JAM3: variants seen among roughly 807,000 people sequenced by gnomAD.
The protein encoded by JAM3 is junctional adhesion molecule 3.
JAM3 carries 31 observed loss-of-function variants against 39.4 expected under a neutral mutation model. The ratio of observed to expected loss-of-function variants is 0.79; its 90% CI spans 0.59 to 1.06. The LOEUF is 1.06. JAM3 is among the 50% of genes least tolerant of loss of function. JAM3 has a pLI of 0.00. For missense variants in JAM3, 455 were observed against 391.4 expected, an observed-to-expected ratio of 1.16 and a Z score of -1.37; for synonymous variants, 182 against 148.7, an observed-to-expected ratio of 1.22 and a Z score of -1.63.
intron 1 of JAM3, among the ~76,000 whole-genome samples, chr11:134,113,944 T>C (rs537490041): frequency 1.3e-5 from 2 of 152,242 alleles, no homozygotes; most frequent in Non-Finnish European, 2.9e-5. Flanking sequence ...TGATGGCCAG[T>C]GATGATGAGC....
At chr11:134,108,833 G>A (rs935397660) in intron 1 of JAM3, among the ~76,000 whole-genome samples, 14 of 152,146 alleles carry the variant, frequency 9.2e-5, no homozygotes, top group Non-Finnish European at 1.9e-4. Context: ...TAAACCAAAA[G>A]CTGGTTCAAT....
At chr11:134,127,837 A>G (rs1942680203) in intron 1 of JAM3, among the ~76,000 whole-genome samples, 1 of 152,216 alleles carries the variant, frequency 6.6e-6, no homozygotes, top group Admixed American at 6.5e-5. Flanking sequence ...GAAGAGAGGA[A>G]ACAGAAGAGA....
Position 134,139,994 on chromosome 11 carries a change from ATC to A in JAM3, c.142+80_142+81del. The A allele has an allele frequency of 9.8e-6, 11 of 1,127,708 alleles. No individual in the cohort carries two copies. In the South Asian group the frequency reaches 1.2e-4, roughly 13 times the overall value. 69.9% of individuals were successfully genotyped at this position (1,127,708 alleles called of 1,614,324 possible). ...ATGTCTTGCAGCCAACTCAGGACAC[ATC>A]TGTCTCTGTAAGTGTGCCAGGGAGA... On this transcript the variant is annotated intron_variant, in intron 2 of 8. Transcript: ENST00000299106.
chr11:134,075,133 G>T (rs1028814387), intron 1 of JAM3, among the ~76,000 whole-genome samples: 1 of 152,034 alleles, frequency 6.6e-6, no homozygotes, highest in African/African-American at 2.4e-5. Context: ...GGCAAAGCAG[G>T]AGAACTTAAG....
chr11:134,070,230 A>T, intron 1 of JAM3: 1 of 456,106 alleles, frequency 2.2e-6, no homozygotes, highest in Non-Finnish European at 4.4e-6. Context: ...TCAACTTCAT[A>T]TTTACCTAAA....
intron 4 of JAM3, 117 bp from the exon 5 acceptor site, chr11:134,144,675 A>G (rs949562990): frequency 2.1e-6 from 2 of 953,830 alleles, no homozygotes; most frequent in African/African-American, 3.2e-5. Context: ...TGGGAACAGC[A>G]GTGGCGTGGG....
intron 1 of JAM3, among the ~76,000 whole-genome samples, chr11:134,111,133 CTTTTTTTTTT>C (rs71038561): frequency 0.23 from 19,684 of 86,162 alleles, 1,542 homozygotes; most frequent in East Asian, 0.38. Flanking sequence ...ACACATCCAT[CTTTTTTTTTT>C]TTTTTTTTTT....
At chr11:134,134,398 C>CAAAAAAAAAAAAAAAAAAAAAAAAAAA (rs34729848) in intron 1 of JAM3, among the ~76,000 whole-genome samples, 6 of 31,924 alleles carry the variant, frequency 1.9e-4, no homozygotes, top group South Asian at 1.6e-3. Context: ...GGATAAATGC[C>CAAAAAAAAAAAAAAAAAAAAAAAAAAA]AAAAAAAAAA....
At chr11:134,099,977 A>C (rs922868763) in intron 1 of JAM3, among the ~76,000 whole-genome samples, 5 of 152,152 alleles carry the variant, frequency 3.3e-5, no homozygotes, top group Non-Finnish European at 7.3e-5. Flanking sequence ...TGTCACCCAA[A>C]ATATACTTTT....
intron 1 of JAM3, among the ~76,000 whole-genome samples, chr11:134,139,385 C>A (rs979114521): frequency 6.6e-6 from 1 of 152,194 alleles, no homozygotes; most frequent in African/African-American, 2.4e-5. Context: ...TAACCATACC[C>A]AGAGAGTGTT....
chr11:134,073,814 C>G (rs1411228699), intron 1 of JAM3, among the ~76,000 whole-genome samples: 1 of 152,140 alleles, frequency 6.6e-6, no homozygotes, highest in East Asian at 1.9e-4. Context: ...AGTAAATATT[C>G]AGTTTATCTC....
chr11:134,114,644 A>G (rs1472581723), intron 1 of JAM3, among the ~76,000 whole-genome samples: 1 of 152,212 alleles, frequency 6.6e-6, no homozygotes, highest in Admixed American at 6.5e-5. Context: ...GTTTCCAAAC[A>G]TTAGGATTTT....
chr11:134,111,029 T>G (rs1329904456), intron 1 of JAM3, among the ~76,000 whole-genome samples: 1 of 151,636 alleles, frequency 6.6e-6, no homozygotes, highest in African/African-American at 2.4e-5. Context: ...GCTTAGGGTA[T>G]AAGAATATAT....
At chr11:134,124,007 C>A (rs1942589283) in intron 1 of JAM3, 3 of 1,490,674 alleles carry the variant, frequency 2.0e-6, no homozygotes, top group Non-Finnish European at 1.9e-6. Context: ...GCACAGGTGC[C>A]CTTCCCAATC....
chr11:134,089,269 A>G (rs1452288259), intron 1 of JAM3, among the ~76,000 whole-genome samples: 1 of 152,122 alleles, frequency 6.6e-6, no homozygotes, highest in Non-Finnish European at 1.5e-5. Context: ...TTGGTTGTTT[A>G]ATTCCATATC....
chr11:134,140,437 G>A (rs952727539), intron 2 of JAM3, among the ~76,000 whole-genome samples: 1 of 152,172 alleles, frequency 6.6e-6, no homozygotes, highest in Non-Finnish European at 1.5e-5. Flanking sequence ...CAAGCAGGGT[G>A]TTTAAGGGAG....
intron 1 of JAM3, among the ~76,000 whole-genome samples, chr11:134,116,236 G>A (rs1942430543): frequency 6.6e-6 from 1 of 152,130 alleles, no homozygotes; most frequent in Admixed American, 6.5e-5. Context: ...GGCTATTCAA[G>A]TATTCTGATA....
intron 1 of JAM3, among the ~76,000 whole-genome samples, chr11:134,130,650 G>A (rs1207563475): frequency 6.6e-6 from 1 of 152,182 alleles, no homozygotes; most frequent in Middle Eastern, 3.2e-3. Flanking sequence ...CTTTAAACCA[G>A]TAGGAAAGAT....
At chr11:134,081,907 G>A (rs994657387) in intron 1 of JAM3, among the ~76,000 whole-genome samples, 3 of 152,240 alleles carry the variant, frequency 2.0e-5, no homozygotes, top group African/African-American at 7.2e-5. Context: ...CCACAGGTGG[G>A]TAGCTGCCCA....
Sources: gnomAD v4.1 joint callset for allele counts (sites outside exome capture counted in the v4.1 genomes callset) on GRCh38, gnomAD v4.1.1 for gene constraint, MANE v1.5 for transcripts, NCBI Gene and HGNC (gene_info 2026-07-23, HGNC 2026-07-21) for gene names.